The following FOXP1 variants were observed in gnomAD, a reference collection of about 807,000 sequenced individuals.
FOXP1 encodes the protein forkhead box P1.
In FOXP1, 15 loss-of-function variants were observed where a neutral mutation model predicts 98.2. The observed-to-expected ratio is 0.15, with a 90% CI of 0.10 to 0.24. The LOEUF is 0.24. Ranked by LOEUF, FOXP1 falls within the 10% of genes least tolerant of loss-of-function variation. The probability of loss-of-function intolerance (pLI) is 1.00; values close to 1 mark genes in which losing one functional copy is unlikely to be tolerated. For synonymous variants in FOXP1, 371 were observed against 314.5 expected (o/e 1.18, Z -1.90); for missense variants, 633 against 848.5 (o/e 0.75, Z 3.15).
At chr3:71,266,046 C>T (rs2069618523) in intron 5 of FOXP1, among the ~76,000 whole-genome samples, 1 of 152,036 alleles carries the variant, frequency 6.6e-6, no homozygotes, top group South Asian at 2.1e-4. Context: ...ATGGTGGGTT[C>T]AAGTTTTACC....
intron 3 of FOXP1, among the ~76,000 whole-genome samples, chr3:71,445,324 A>G (rs1252454467): frequency 6.6e-6 from 1 of 152,204 alleles, no homozygotes; most frequent in East Asian, 1.9e-4. Context: ...AGTGCCACAC[A>G]CATCTCCAGC....
At chr3:71,252,065 T>G (rs1212732978) in intron 5 of FOXP1, among the ~76,000 whole-genome samples, 1 of 152,000 alleles carries the variant, frequency 6.6e-6, no homozygotes, top group East Asian at 1.9e-4. Context: ...GGAAGATGAC[T>G]GAAAAGATAT....
chr3:71,095,303 A>C (rs2056347471), intron 7 of FOXP1, among the ~76,000 whole-genome samples: 1 of 152,222 alleles, frequency 6.6e-6, no homozygotes, highest in African/African-American at 2.4e-5. Context: ...TGGGCCTCAC[A>C]CGGTTGGTCT....
At chr3:71,417,559 CT>C (rs1012929897) in intron 3 of FOXP1, among the ~76,000 whole-genome samples, 62 of 16,128 alleles carry the variant, frequency 3.8e-3, no homozygotes, top group African/African-American at 8.1e-3. Context: ...CATGGAGCTT[CT>C]TGTGATTTTT....
At chr3:71,186,500 C>A (rs1233567525) in intron 6 of FOXP1, among the ~76,000 whole-genome samples, 2 of 152,186 alleles carry the variant, frequency 1.3e-5, no homozygotes, top group Non-Finnish European at 2.9e-5. Context: ...ATCACGAGGT[C>A]AAGAGATCGA....
intron 2 of FOXP1, among the ~76,000 whole-genome samples, chr3:71,539,095 TTTTTTA>T (rs1398490577): frequency 6.6e-6 from 1 of 150,500 alleles, no homozygotes; most frequent in Non-Finnish European, 1.5e-5. Flanking sequence ...GGTTTTTTTA[TTTTTTA>T]TTTTTTTGTT....
At chr3:71,019,467 T>G (rs929974696) in intron 11 of FOXP1, among the ~76,000 whole-genome samples, 1 of 152,206 alleles carries the variant, frequency 6.6e-6, no homozygotes, top group African/African-American at 2.4e-5. Flanking sequence ...TACCACAAAC[T>G]CCCAGGTTGA....
intron 11 of FOXP1, among the ~76,000 whole-genome samples, chr3:71,024,074 C>T (rs1278471037): frequency 6.6e-6 from 1 of 152,112 alleles, no homozygotes; most frequent in Non-Finnish European, 1.5e-5. Context: ...AAAGAAATCA[C>T]AATCTCTTGC....
At chr3:71,517,753 C>A (rs546039319) in intron 2 of FOXP1, among the ~76,000 whole-genome samples, 2 of 152,316 alleles carry the variant, frequency 1.3e-5, no homozygotes, top group African/African-American at 4.8e-5. Flanking sequence ...CTTAGACAAG[C>A]TACTCACGCT....
chr3:71,087,060 C>T (rs1489930587), intron 7 of FOXP1, among the ~76,000 whole-genome samples: 1 of 152,196 alleles, frequency 6.6e-6, no homozygotes, highest in Admixed American at 6.5e-5. Flanking sequence ...ATGCAACTTA[C>T]TATTCAACAT....
At chr3:71,560,153 C>T (rs1014693474) in intron 2 of FOXP1, among the ~76,000 whole-genome samples, 8 of 152,196 alleles carry the variant, frequency 5.3e-5, no homozygotes, top group Non-Finnish European at 5.9e-5. Flanking sequence ...ACGTGAGTCA[C>T]TAAATTATCT....
chr3:71,163,192 G>C (rs1029780978), intron 6 of FOXP1, among the ~76,000 whole-genome samples: 1 of 152,190 alleles, frequency 6.6e-6, no homozygotes, highest in African/African-American at 2.4e-5. Context: ...GGCACATCCA[G>C]GGTATGTCTT....
chr3:71,196,396 T>C (rs1205950525), intron 6 of FOXP1, among the ~76,000 whole-genome samples: 1 of 152,186 alleles, frequency 6.6e-6, no homozygotes. Context: ...TGTGTGCACA[T>C]GTTTTGATGG....
chr3:71,318,059 A>G (rs572785711), intron 4 of FOXP1, among the ~76,000 whole-genome samples: 1 of 152,290 alleles, frequency 6.6e-6, no homozygotes, highest in East Asian at 1.9e-4. Context: ...CACACTTTAT[A>G]TAACCCTGTA....
chr3:71,261,227 G>A (rs1301900159), intron 5 of FOXP1, among the ~76,000 whole-genome samples: 1 of 151,860 alleles, frequency 6.6e-6, no homozygotes, highest in African/African-American at 2.4e-5. Context: ...TTAAGGTTTG[G>A]GCTATATTCT....
chr3:71,371,020 A>G (rs2079275086), intron 3 of FOXP1, among the ~76,000 whole-genome samples: 1 of 151,360 alleles, frequency 6.6e-6, no homozygotes, highest in Admixed American at 6.6e-5. Flanking sequence ...CAGGCAATCC[A>G]CCCACTTCAG....
intron 4 of FOXP1, among the ~76,000 whole-genome samples, chr3:71,314,048 TC>T (rs1364027865): frequency 6.6e-6 from 1 of 152,178 alleles, no homozygotes; most frequent in Non-Finnish European, 1.5e-5. Flanking sequence ...AAAATGGGCT[TC>T]ATTACAGTGC....
intron 6 of FOXP1, among the ~76,000 whole-genome samples, chr3:71,181,744 C>A (rs1051489357): frequency 4.6e-5 from 7 of 152,022 alleles, no homozygotes; most frequent in Admixed American, 1.3e-4. Flanking sequence ...TTAAAGAAAA[C>A]AAATGTGGCC....
intron 5 of FOXP1, among the ~76,000 whole-genome samples, chr3:71,285,707 A>G (rs1425439946): frequency 6.6e-6 from 1 of 152,208 alleles, no homozygotes; most frequent in Non-Finnish European, 1.5e-5. Flanking sequence ...TTAACAGTCA[A>G]ATTTTAATAT....
Sources: gnomAD v4.1 joint callset for allele counts (sites outside exome capture counted in the v4.1 genomes callset) on GRCh38, gnomAD v4.1.1 for gene constraint, MANE v1.5 for transcripts, NCBI Gene and HGNC (gene_info 2026-07-23, HGNC 2026-07-21) for gene names.